Variants in STARD13 observed in about 807,000 individuals in gnomAD.
STARD13 encodes the protein StAR related lipid transfer domain containing 13.
A neutral mutation model predicts 106.4 loss-of-function variants in STARD13; 62 were observed. The observed-to-expected ratio is 0.58, with a 90% confidence interval of 0.48 to 0.72. STARD13 has a LOEUF of 0.72. STARD13 is among the 30% of genes least tolerant of loss of function. The pLI is 0.00. For synonymous variants in STARD13, 565 were observed against 553.0 expected, an observed-to-expected ratio of 1.02 and a Z score of -0.31; for missense variants, 1,387 against 1,424.0, an observed-to-expected ratio of 0.97 and a Z score of 0.42.
At chr13:33,635,707 G>T in the STARD13 span, among the ~76,000 whole-genome samples, 1 of 151,300 alleles carries the variant, frequency 6.6e-6, no homozygotes, top group Non-Finnish European at 1.5e-5. Flanking sequence ...CACAGGCTGG[G>T]CGCAGTGGTT....
the STARD13 span, among the ~76,000 whole-genome samples, chr13:33,413,474 T>C: frequency 6.6e-6 from 1 of 151,818 alleles, no homozygotes; most frequent in African/African-American, 2.4e-5. Context: ...AAACAAAGAG[T>C]TGGTTCTTTA....
chr13:33,189,677 C>T (rs1886099606), intron 1 of STARD13, among the ~76,000 whole-genome samples: 1 of 151,858 alleles, frequency 6.6e-6, no homozygotes, highest in Admixed American at 6.6e-5. Flanking sequence ...GCCCAGTTCA[C>T]AGCTATTTCG....
At chr13:33,164,523 A>G (rs1450704579) in intron 3 of STARD13, 1 of 152,198 alleles carries the variant, frequency 6.6e-6, no homozygotes, top group African/African-American at 2.4e-5. Context: ...ATCTCCCATA[A>G]CTAATCCTTA....
Position 33,106,926 on chromosome 13 carries a change from T to G in STARD13, c.3056A>C (p.Lys1019Thr). 1 of 1,612,186 alleles carries G rather than the reference T, an allele frequency of 6.2e-7. No individual in the cohort carries two copies. The highest frequency in any genetic ancestry group is 1.7e-4 in the Middle Eastern group (1 of 6,050). Residue 1019 changes from lysine to threonine, a missense_variant, in exon 13 of 14, where the codon AAA becomes ACA. Coordinates refer to ENST00000336934, the MANE Select transcript of STARD13 (RefSeq NM_178006.4). Reference sequence around the variant, plus strand: ...ACACATTCCTTTGGGCAAATCAGTTTTCCAGGTCCTGTAGCAAAACAATCC... The same window carrying G: ...ACACATTCCTTTGGGCAAATCAGTTGTCCAGGTCCTGTAGCAAAACAATCC... Reference protein sequence around the residue: ...SRDFVVLRTWKTDLPKGMCTL... With the variant: ...SRDFVVLRTWTTDLPKGMCTL...
chr13:33,378,751 C>G, the STARD13 span, among the ~76,000 whole-genome samples: 1 of 150,156 alleles, frequency 6.7e-6, no homozygotes, highest in Non-Finnish European at 1.5e-5. Flanking sequence ...GATGGCACCA[C>G]TGCACTCTAG....
chr13:33,222,143 A>G (rs970404581), intron 1 of STARD13, among the ~76,000 whole-genome samples: 15 of 151,952 alleles, frequency 9.9e-5, no homozygotes, highest in Non-Finnish European at 1.5e-5. Context: ...GCGAGACTCC[A>G]TCTCAAAAAA....
intron 1 of STARD13, among the ~76,000 whole-genome samples, chr13:33,189,748 A>T (rs779375497): frequency 2.6e-5 from 4 of 151,728 alleles, no homozygotes; most frequent in Non-Finnish European, 5.9e-5. Flanking sequence ...TGCTTGACTC[A>T]GTTACTCTCT....
chr13:33,416,440 G>A, the STARD13 span, among the ~76,000 whole-genome samples: 1 of 152,190 alleles, frequency 6.6e-6, no homozygotes, highest in Non-Finnish European at 1.5e-5. Flanking sequence ...GAATAACAAG[G>A]AAGTATAGAA....
rs116802905 is a variant in STARD13, at chr13:33,329,701, T to C, written c.124+20589A>G. 9.7e-3 allele frequency among the ~76,000 whole-genome samples: 1,472 copies of C among 151,138 alleles called. 37 individuals are homozygous for C. Among genetic ancestry groups the C allele is most frequent in the African/African-American group, 0.034 (1,398 of 41,046 alleles). On this transcript the variant is annotated intron_variant, in intron 1 of 5. Transcript: ENST00000567873. ...TGTGTGATTGTATAAAATCACTTTC[T>C]TTCTTTTTTTTTTTTTTTTTGAGAC...
chr13:33,114,203 G>A (rs1875029409), intron 8 of STARD13, among the ~76,000 whole-genome samples: 1 of 152,182 alleles, frequency 6.6e-6, no homozygotes. Flanking sequence ...CTACTGGCAG[G>A]AGTGCATGAT....
chr13:33,311,062 C>A (rs1893115335), intron 1 of STARD13, among the ~76,000 whole-genome samples: 3 of 150,128 alleles, frequency 2.0e-5, no homozygotes, highest in South Asian at 2.1e-4. Flanking sequence ...TTTGGAAGGT[C>A]AAGGCAGGAT....
rs149176331 is a variant in STARD13, at chr13:33,152,769, T to C, written c.324-10396A>G. Among the ~76,000 whole-genome samples, 559 of 152,288 alleles carry C rather than the reference T, an allele frequency of 3.7e-3. 1 individual carries two copies. The highest frequency in any genetic ancestry group is 0.012 in the African/African-American group (487 of 41,574). ...CTGGAGGATCCTTGGGCCTCTGCTG[T>C]CTCCCTTGTGCTCAAGCACAAGCCT... On this transcript the variant is annotated intron_variant, in intron 3 of 13. Transcript: ENST00000336934.
chr13:33,662,209 C>T, the STARD13 span, among the ~76,000 whole-genome samples: 4 of 151,470 alleles, frequency 2.6e-5, no homozygotes, highest in East Asian at 5.8e-4. Context: ...TTGCAGTGAG[C>T]CGAGATCATG....
At chr13:33,216,857 T>C (rs1313622194) in intron 1 of STARD13, among the ~76,000 whole-genome samples, 1 of 152,152 alleles carries the variant, frequency 6.6e-6, no homozygotes, top group African/African-American at 2.4e-5. Flanking sequence ...AGCTAAGGAA[T>C]CTGAGAGTGG....
At chr13:33,126,759 A>T (rs994841733) in intron 6 of STARD13, among the ~76,000 whole-genome samples, 2 of 152,226 alleles carry the variant, frequency 1.3e-5, no homozygotes, top group Non-Finnish European at 2.9e-5. Flanking sequence ...AAAATATTTC[A>T]TAAAAGCACC....
the STARD13 span, among the ~76,000 whole-genome samples, chr13:33,480,143 T>C: frequency 6.6e-6 from 1 of 152,200 alleles, no homozygotes; most frequent in African/African-American, 2.4e-5. Context: ...ACATATGCTA[T>C]ATATAATTTT....
the STARD13 span, among the ~76,000 whole-genome samples, chr13:33,547,755 A>G: frequency 6.6e-6 from 1 of 152,218 alleles, no homozygotes; most frequent in Non-Finnish European, 1.5e-5. Flanking sequence ...TCAATTTTCC[A>G]GGGCTAAATA....
chr13:33,327,078 A>G (rs1227904106), intron 1 of STARD13, among the ~76,000 whole-genome samples: 1 of 152,226 alleles, frequency 6.6e-6, no homozygotes, highest in Non-Finnish European at 1.5e-5. Context: ...GCTGTATTTT[A>G]ATTTCCCTTG....
At chr13:33,105,973 T>A (rs1189325794) in intron 13 of STARD13, among the ~76,000 whole-genome samples, 3 of 152,218 alleles carry the variant, frequency 2.0e-5, no homozygotes, top group African/African-American at 7.2e-5. Context: ...ATGAAAAGAT[T>A]CAGATGAAAT....
Sources: allele counts gnomAD v4.1 joint callset (sites outside exome capture counted in the v4.1 genomes callset), GRCh38; gene constraint gnomAD v4.1.1; transcripts MANE v1.5; gene names NCBI Gene and HGNC (gene_info 2026-07-23, HGNC 2026-07-21).